TBC1D23: variants seen among roughly 807,000 people sequenced by gnomAD.
The protein encoded by TBC1D23 is TBC1 domain family member 23, also known as HCV non-structural protein 4A-transactivated protein 1.
In TBC1D23, 55 loss-of-function variants were observed where a neutral mutation model predicts 91.4. That is an observed-to-expected ratio of 0.60 (90% confidence interval 0.48 to 0.75). TBC1D23 has a LOEUF of 0.75. Among genes scored for constraint, TBC1D23 ranks in the 30% least tolerant of loss-of-function variants. The pLI, the probability that TBC1D23 is intolerant of heterozygous loss-of-function variation, is 0.00. For missense variants in TBC1D23, 725 were observed against 836.1 expected, an observed-to-expected ratio of 0.87 and a Z score of 1.64; for synonymous variants, 289 against 281.0, an observed-to-expected ratio of 1.03 and a Z score of -0.28.
intron 16 of TBC1D23, among the ~76,000 whole-genome samples, chr3:100,317,840 A>G (rs1215597670): frequency 6.6e-6 from 1 of 152,172 alleles, no homozygotes; most frequent in Non-Finnish European, 1.5e-5. Context: ...AAAGTGAGAA[A>G]ACTGAAACTA....
intron 15 of TBC1D23, among the ~76,000 whole-genome samples, chr3:100,313,962 C>A (rs1705677458): frequency 6.6e-6 from 1 of 151,924 alleles, no homozygotes; most frequent in African/African-American, 2.4e-5. Context: ...TTTAATCAGA[C>A]TTTAAGCCTA....
intron 13 of TBC1D23, among the ~76,000 whole-genome samples, chr3:100,307,968 T>C (rs981272557): frequency 3.3e-5 from 5 of 152,216 alleles, no homozygotes; most frequent in African/African-American, 1.2e-4. Flanking sequence ...CCAAAAAACA[T>C]TCTAATTTAT....
At chr3:100,263,374 C>A (rs1264000388) in intron 1 of TBC1D23, among the ~76,000 whole-genome samples, 3 of 152,228 alleles carry the variant, frequency 2.0e-5, no homozygotes, top group Admixed American at 1.3e-4. Context: ...TGTGATTCTT[C>A]AGTTACTTCA....
At chr3:100,295,896 C>T (rs2067834965) in intron 7 of TBC1D23, among the ~76,000 whole-genome samples, 1 of 152,160 alleles carries the variant, frequency 6.6e-6, no homozygotes, top group African/African-American at 2.4e-5. Context: ...GGGGCCTTGG[C>T]ATTTCTTCAT....
Position 100,298,588 on chromosome 3 carries a change from C to T in TBC1D23, c.999+543C>T, listed in dbSNP as rs577684014. On this transcript the variant is annotated intron_variant, in intron 9 of 18. Transcript: ENST00000394144. ...TGTAGTGTATTTCCAAGGTTGAGGG[C>T]AGGAAAGGAATGGACGTGGGAAAAT... Among the ~76,000 whole-genome samples, 19 of 152,202 alleles carry T rather than the reference C, an allele frequency of 1.2e-4. No individual in the cohort carries two copies. The East Asian group carries it at 2.1e-3, about 17-fold the overall frequency.
At chr3:100,307,783 A>C (rs781078558) in intron 13 of TBC1D23, among the ~76,000 whole-genome samples, 2 of 152,206 alleles carry the variant, frequency 1.3e-5, no homozygotes, top group Admixed American at 6.5e-5. Context: ...TAATTTATTC[A>C]GTTCTCTATT....
At chr3:100,291,893 G>A (rs891088751) in intron 5 of TBC1D23, among the ~76,000 whole-genome samples, 2 of 149,648 alleles carry the variant, frequency 1.3e-5, no homozygotes, top group African/African-American at 4.9e-5. Flanking sequence ...AGCCTCCCAA[G>A]TAGCTTGGAT....
At chr3:100,299,010 T>C (rs1471740901) in intron 9 of TBC1D23, among the ~76,000 whole-genome samples, 3 of 152,256 alleles carry the variant, frequency 2.0e-5, no homozygotes, top group South Asian at 2.1e-4. Context: ...TTTAAGACTT[T>C]CCAGTAAAGA....
chr3:100,279,513 C>T (rs770976755), intron 1 of TBC1D23, 136 bp from the exon 2 acceptor site: 1 of 567,994 alleles, frequency 1.8e-6, no homozygotes, highest in Admixed American at 3.0e-5. Flanking sequence ...GCTGTGTATA[C>T]CTTGGCATTA....
chr3:100,277,221 A>G (rs1240601445), intron 1 of TBC1D23, among the ~76,000 whole-genome samples: 2 of 152,250 alleles, frequency 1.3e-5, no homozygotes, highest in East Asian at 1.9e-4. Flanking sequence ...CCTTCTATGA[A>G]TGATTTACCT....
intron 15 of TBC1D23, among the ~76,000 whole-genome samples, chr3:100,314,809 G>A (rs1380204854): frequency 6.6e-6 from 1 of 151,980 alleles, no homozygotes; most frequent in Non-Finnish European, 1.5e-5. Context: ...AATAACTAAA[G>A]GCATGTAACT....
In TBC1D23 at chr3:100,266,025, A is replaced by G. The variant is rs116677054; in HGVS notation, c.53+4954A>G. Among the ~76,000 whole-genome samples, 848 of 152,268 alleles carry G rather than the reference A, an allele frequency of 5.6e-3. 13 individuals are homozygous for G. The highest frequency in any genetic ancestry group is 0.019 in the African/African-American group (775 of 41,566). ...TCAATAAAGAAATATATTAAATGTA[A>G]AAGAAAAAGGAACTGTTTGTCTAAG... On this transcript the variant is annotated intron_variant, in intron 1 of 18. Coordinates refer to ENST00000394144, the MANE Select transcript of TBC1D23 (RefSeq NM_001199198.3).
In TBC1D23 at chr3:100,297,990, C is replaced by T; in HGVS notation, c.944C>T (p.Ala315Val). ...IKDDDADLSQ[A>V]LCLAISVSEI... is the part of the protein sequence containing the mutation. The stretch of plus-strand genomic sequence containing the variant: ...GATGATGATGCAGATCTGAGTCAGG[C>T]TCTTTGTCTGGCCATCTCCGTGTCA... The change falls in exon 9 of 19, where the codon GCT (alanine) becomes GTT (valine). Residue 315 changes from alanine to valine, a missense_variant. Physicochemically the swap from Ala to Val is moderately conservative, Grantham distance 64 (BLOSUM62 0). Transcript: ENST00000394144. The T allele has an allele frequency of 2.5e-6, 4 of 1,613,066 alleles. No homozygotes were observed. Among genetic ancestry groups the T allele is most frequent in the Non-Finnish European group, 3.4e-6 (4 of 1,179,318 alleles).
intron 5 of TBC1D23, 61 bp from the exon 6 acceptor site, chr3:100,295,026 C>T (rs1349466436): frequency 1.4e-6 from 2 of 1,470,088 alleles, no homozygotes; most frequent in Non-Finnish European, 1.8e-6. Context: ...TGCTTTAATA[C>T]TTTTAAGAGA....
chr3:100,263,659 T>C (rs1174846598), intron 1 of TBC1D23, among the ~76,000 whole-genome samples: 1 of 152,226 alleles, frequency 6.6e-6, no homozygotes, highest in Non-Finnish European at 1.5e-5. Flanking sequence ...TAAGAATCAG[T>C]GACAGACATT....
rs373551758 is a variant in TBC1D23 at position 100,299,256 on chromosome 3, T to A, written c.1017T>A (p.Phe339Leu). 6.2e-7 allele frequency: 1 copy of A among 1,612,290 alleles called. No homozygotes were observed. The highest frequency in any genetic ancestry group is 1.7e-5 in the Admixed American group (1 of 59,880). The change falls in exon 10 of 19, where the codon TTT becomes TTA. Residue 339 changes from phenylalanine to leucine, a missense_variant. Phe to Leu is a conservative substitution (Grantham distance 22). Coordinates refer to ENST00000394144, the MANE Select transcript of TBC1D23 (RefSeq NM_001199198.3). ...NQLQGEGVRF[F>L]VVDCRPAEQY... ...CGTTTTAGGAAGGAGTCCGGTTCTT[T>A]GTGGTGGATTGCCGTCCTGCAGAAC...
At chr3:100,318,978 A>C in intron 16 of TBC1D23, 91 bp from the exon 17 acceptor site, 1 of 825,714 alleles carries the variant, frequency 1.2e-6, no homozygotes, top group South Asian at 2.0e-5. Flanking sequence ...CCATATCTTC[A>C]AAATACTACT....
chr3:100,287,240 G>A (rs2067751873), intron 4 of TBC1D23, among the ~76,000 whole-genome samples: 1 of 152,136 alleles, frequency 6.6e-6, no homozygotes, highest in African/African-American at 2.4e-5. Flanking sequence ...AGCCTCCCAA[G>A]TAGCTGGGTT....
chr3:100,287,133 G>A (rs2067750700), intron 4 of TBC1D23, among the ~76,000 whole-genome samples: 1 of 151,758 alleles, frequency 6.6e-6, no homozygotes, highest in South Asian at 2.1e-4. Context: ...CTTTTTTTGA[G>A]ACAGGGTCTC....
Sources: allele counts gnomAD v4.1 joint callset (sites outside exome capture counted in the v4.1 genomes callset), GRCh38; gene constraint gnomAD v4.1.1; transcripts MANE v1.5; gene names NCBI Gene and HGNC (gene_info 2026-07-23, HGNC 2026-07-21).